The following MSI2 variants were observed in gnomAD, a reference collection of about 807,000 sequenced individuals.
MSI2 encodes the protein RNA-binding protein Musashi homolog 2.
MSI2 carries 17 observed loss-of-function variants against 45.6 expected under a neutral mutation model. That is an observed-to-expected ratio of 0.37 (90% CI 0.26 to 0.56). The LOEUF (loss-of-function observed/expected upper bound fraction) is 0.56, where lower values mean the gene tolerates loss of function less well. MSI2 is among the 20% of genes least tolerant of loss of function. MSI2 has a pLI of 0.77. For synonymous variants in MSI2, 156 were observed against 158.2 expected (o/e 0.99, Z 0.11); for missense variants, 293 against 444.2 (o/e 0.66, Z 3.06).
chr17:57,411,199 G>A (rs1320728785), intron 6 of MSI2, among the ~76,000 whole-genome samples: 1 of 151,978 alleles, frequency 6.6e-6, no homozygotes, highest in Non-Finnish European at 1.5e-5. Flanking sequence ...TAGAGACAGG[G>A]TTTCACCGTG....
intron 6 of MSI2, among the ~76,000 whole-genome samples, chr17:57,441,415 G>A (rs1242966120): frequency 1.3e-5 from 2 of 152,162 alleles, no homozygotes; most frequent in African/African-American, 4.8e-5. Flanking sequence ...CCTGCAACCA[G>A]CTGGGCTGGC....
chr17:57,340,553 G>A (rs1474743658), intron 5 of MSI2, among the ~76,000 whole-genome samples: 1 of 152,182 alleles, frequency 6.6e-6, no homozygotes, highest in Non-Finnish European at 1.5e-5. Context: ...AACCTTGATT[G>A]TAAAGAGGGC....
chr17:57,403,295 T>G (rs2084026390), intron 6 of MSI2, among the ~76,000 whole-genome samples: 1 of 152,198 alleles, frequency 6.6e-6, no homozygotes, highest in Non-Finnish European at 1.5e-5. Context: ...TCTTTCTTCC[T>G]TTCTGTATTT....
intron 7 of MSI2, among the ~76,000 whole-genome samples, chr17:57,538,462 T>G (rs1319884354): frequency 1.3e-5 from 2 of 152,198 alleles, no homozygotes; most frequent in African/African-American, 4.8e-5. Context: ...CAGCTTTCCC[T>G]TGGGCGTGAT....
chr17:57,271,693 G>A (rs549669831), intron 5 of MSI2, among the ~76,000 whole-genome samples: 4 of 149,334 alleles, frequency 2.7e-5, no homozygotes, highest in South Asian at 2.1e-4. Context: ...ACCCTCCACC[G>A]AAATGAATTA....
chr17:57,673,031 T>G (rs1450959007), intron 11 of MSI2, among the ~76,000 whole-genome samples: 1 of 152,254 alleles, frequency 6.6e-6, no homozygotes, highest in African/African-American at 2.4e-5. Flanking sequence ...GTTTATTCAT[T>G]TCTCAGCTAC....
chr17:57,644,145 G>T (rs1375811980), intron 10 of MSI2, among the ~76,000 whole-genome samples: 4 of 151,822 alleles, frequency 2.6e-5, no homozygotes, highest in African/African-American at 9.7e-5. Flanking sequence ...GGAATGTCAG[G>T]CTTTCTCCCA....
intron 6 of MSI2, among the ~76,000 whole-genome samples, chr17:57,502,636 T>TATATATAGAGAGAGAGAGAGAGAGAG: frequency 1.0e-5 from 1 of 96,904 alleles, no homozygotes; most frequent in Non-Finnish European, 2.1e-5. Flanking sequence ...TATATATATA[T>TATATATAGAGAGAGAGAGAGAGAGAG]AGTCATCATT....
chr17:57,341,361 A>G (rs1371511693), intron 5 of MSI2, among the ~76,000 whole-genome samples: 2 of 152,226 alleles, frequency 1.3e-5, no homozygotes, highest in Non-Finnish European at 2.9e-5. Flanking sequence ...GTAATCACGT[A>G]TTTAGAAGAT....
the MSI2 span, among the ~76,000 whole-genome samples, chr17:57,692,970 C>T: frequency 7.0e-6 from 1 of 143,182 alleles, no homozygotes; most frequent in Admixed American, 7.1e-5. Context: ...GAACTTCTTT[C>T]TGTGGTTTCA....
At chr17:57,344,405 G>A (rs1166705389) in intron 5 of MSI2, among the ~76,000 whole-genome samples, 1 of 152,138 alleles carries the variant, frequency 6.6e-6, no homozygotes, top group Non-Finnish European at 1.5e-5. Context: ...ATGATCCTGC[G>A]CCGGAGTTTA....
intron 5 of MSI2, among the ~76,000 whole-genome samples, chr17:57,388,813 C>G (rs2083730766): frequency 6.6e-6 from 1 of 151,736 alleles, no homozygotes; most frequent in Non-Finnish European, 1.5e-5. Flanking sequence ...ACCACCACAC[C>G]TGGCTAATTT....
At chr17:57,341,396 G>C (rs777031429) in intron 5 of MSI2, among the ~76,000 whole-genome samples, 2 of 152,242 alleles carry the variant, frequency 1.3e-5, no homozygotes, top group Non-Finnish European at 2.9e-5. Context: ...TGTAACTAAA[G>C]TGGGGAAAAA....
chr17:57,374,263 C>T (rs898695161), intron 5 of MSI2, among the ~76,000 whole-genome samples: 5 of 152,204 alleles, frequency 3.3e-5, no homozygotes, highest in Non-Finnish European at 7.3e-5. Context: ...CAACCCTAGG[C>T]ATAAGTGGTA....
intron 5 of MSI2, among the ~76,000 whole-genome samples, chr17:57,363,737 T>C (rs951991594): frequency 1.2e-4 from 10 of 86,182 alleles, no homozygotes; most frequent in Admixed American, 2.9e-4. Flanking sequence ...AGATTCTGTC[T>C]GAAACAACAA....
chr17:57,441,995 A>G (rs1326866813), intron 6 of MSI2, among the ~76,000 whole-genome samples: 1 of 151,828 alleles, frequency 6.6e-6, no homozygotes, highest in East Asian at 1.9e-4. Flanking sequence ...TGTACATTTA[A>G]ACTGGCCTCC....
intron 5 of MSI2, chr17:57,267,895 C>T (rs1285863411): frequency 6.6e-6 from 1 of 152,148 alleles, no homozygotes; most frequent in Non-Finnish European, 1.5e-5. Context: ...ACTGAATGCT[C>T]ACCCTTCTTT....
At chr17:57,406,159 G>A (rs2084077079) in intron 6 of MSI2, among the ~76,000 whole-genome samples, 1 of 152,126 alleles carries the variant, frequency 6.6e-6, no homozygotes, top group Non-Finnish European at 1.5e-5. Flanking sequence ...CTGTGTTCCT[G>A]ATTCCATACA....
intron 5 of MSI2, among the ~76,000 whole-genome samples, chr17:57,380,103 A>T (rs1195081255): frequency 2.0e-5 from 3 of 152,088 alleles, no homozygotes; most frequent in Non-Finnish European, 2.9e-5. Context: ...TGGGAGGAGG[A>T]TGAACCCCAG....
Sources: gnomAD v4.1 joint callset for allele counts (sites outside exome capture counted in the v4.1 genomes callset) on GRCh38, gnomAD v4.1.1 for gene constraint, MANE v1.5 for transcripts, NCBI Gene and HGNC (gene_info 2026-07-23, HGNC 2026-07-21) for gene names.